The following CCSER1 variants were observed in gnomAD, a reference collection of about 807,000 sequenced individuals.
The protein encoded by CCSER1 is coiled-coil serine rich protein 1.
Under a neutral mutation model 82.0 loss-of-function variants are expected in CCSER1, and 41 were observed. The ratio of observed to expected loss-of-function variants is 0.50; its 90% CI spans 0.39 to 0.65. The LOEUF (loss-of-function observed/expected upper bound fraction) is 0.65, where lower values mean the gene tolerates loss of function less well. CCSER1 is among the 30% of genes least tolerant of loss of function. CCSER1 has a pLI of 0.00. For missense variants in CCSER1, 1,119 were observed against 1,064.2 expected, an observed-to-expected ratio of 1.05 and a Z score of -0.72; for synonymous variants, 414 against 383.9, an observed-to-expected ratio of 1.08 and a Z score of -0.92.
intron 7 of CCSER1, among the ~76,000 whole-genome samples, chr4:90,766,037 G>A (rs1214956563): frequency 6.6e-6 from 1 of 151,458 alleles, no homozygotes; most frequent in Non-Finnish European, 1.5e-5. Flanking sequence ...GGCATTGTAG[G>A]AAAAAAAAGG....
chr4:90,310,128 T>C (rs1159401063), intron 2 of CCSER1, among the ~76,000 whole-genome samples: 1 of 152,084 alleles, frequency 6.6e-6, no homozygotes, highest in African/African-American at 2.4e-5. Context: ...AAATAATTCC[T>C]ATCTCTAGAT....
At chr4:90,527,602 T>G (rs941128234) in intron 5 of CCSER1, among the ~76,000 whole-genome samples, 1 of 152,126 alleles carries the variant, frequency 6.6e-6, no homozygotes, top group East Asian at 1.9e-4. Context: ...CCTGAAGAAA[T>G]CAAGGCTCAT....
At chr4:90,823,379 T>C (rs7674282) in intron 8 of CCSER1, among the ~76,000 whole-genome samples, 2,800 of 152,252 alleles carry the variant, frequency 0.018, 83 homozygotes, top group African/African-American at 0.064. Context: ...ACTCAACGAT[T>C]CCACCACACA....
intron 10 of CCSER1, among the ~76,000 whole-genome samples, chr4:91,224,574 A>G (rs746584311): frequency 4.4e-4 from 67 of 152,074 alleles, no homozygotes; most frequent in Non-Finnish European, 7.6e-4. Context: ...ATTAAATTTA[A>G]TAAGGCAGGT....
chr4:90,910,252 G>A (rs1410972911), intron 8 of CCSER1, among the ~76,000 whole-genome samples: 2 of 152,192 alleles, frequency 1.3e-5, no homozygotes, highest in East Asian at 3.8e-4. Context: ...CTGATACAAA[G>A]AGATTGTAAT....
chr4:90,139,719 G>A (rs1267053808), intron 1 of CCSER1, among the ~76,000 whole-genome samples: 1 of 152,116 alleles, frequency 6.6e-6, no homozygotes, highest in Non-Finnish European at 1.5e-5. Context: ...TTGGAAGGCG[G>A]ATGCGGGCAG....
chr4:91,540,034 T>G, intron 10 of CCSER1, among the ~76,000 whole-genome samples: 1 of 152,140 alleles, frequency 6.6e-6, no homozygotes, highest in East Asian at 1.9e-4. Flanking sequence ...TAATAAGAGC[T>G]TACAAATTTC....
intron 10 of CCSER1, among the ~76,000 whole-genome samples, chr4:91,205,988 G>T (rs1163900375): frequency 6.6e-6 from 1 of 151,756 alleles, no homozygotes; most frequent in South Asian, 2.1e-4. Context: ...AATATGAGAA[G>T]TGCAGAGAGC....
At chr4:90,605,575 G>C (rs1466034649) in intron 5 of CCSER1, among the ~76,000 whole-genome samples, 1 of 152,050 alleles carries the variant, frequency 6.6e-6, no homozygotes, top group Non-Finnish European at 1.5e-5. Context: ...TTTCCTCCTT[G>C]GGAAAATTAT....
In CCSER1 at chr4:91,527,742, T is replaced by C. The variant is rs188479456; in HGVS notation, c.2218-70830T>C. Among the ~76,000 whole-genome samples, 220 of 152,238 alleles carry C rather than the reference T, an allele frequency of 1.4e-3. 1 individual carries two copies. The highest frequency in any genetic ancestry group is 5.1e-3 in the African/African-American group (210 of 41,544). The stretch of plus-strand genomic sequence containing the variant: ...AGGTATATATTTAGTATGAGGTATA[T>C]ATTTAGTATGAGGATTAGCATATAT... On this transcript the variant is annotated intron_variant, in intron 10 of 10. Coordinates refer to ENST00000509176, the MANE Select transcript of CCSER1 (RefSeq NM_001145065.2).
chr4:91,109,072 C>T (rs35946853), intron 10 of CCSER1, among the ~76,000 whole-genome samples: 1,799 of 152,262 alleles, frequency 0.012, 19 homozygotes, highest in South Asian at 0.021. Flanking sequence ...TTCTCTGGCC[C>T]TTGGACTCTG....
chr4:91,152,436 TCTTTAC>T (rs1730320305), intron 10 of CCSER1, among the ~76,000 whole-genome samples: 1 of 152,026 alleles, frequency 6.6e-6, no homozygotes. Flanking sequence ...CCAATCTTTA[TCTTTAC>T]CTTTACCTTT....
At chr4:91,377,976 A>G (rs1425259482) in intron 10 of CCSER1, among the ~76,000 whole-genome samples, 1 of 152,232 alleles carries the variant, frequency 6.6e-6, no homozygotes, top group Non-Finnish European at 1.5e-5. Context: ...ATGGCTAGCC[A>G]GTTTTCCAAG....
intron 9 of CCSER1, among the ~76,000 whole-genome samples, chr4:91,034,683 G>A (rs1390570460): frequency 6.6e-6 from 1 of 152,052 alleles, no homozygotes; most frequent in Admixed American, 6.6e-5. Context: ...TATCACTCTA[G>A]TTTCATCTGT....
intron 9 of CCSER1, among the ~76,000 whole-genome samples, chr4:91,082,412 A>G (rs1307310590): frequency 6.6e-6 from 1 of 152,238 alleles, no homozygotes; most frequent in Non-Finnish European, 1.5e-5. Context: ...AATTAATTCA[A>G]GATGGATTAA....
intron 10 of CCSER1, among the ~76,000 whole-genome samples, chr4:91,525,257 T>C (rs561347685): frequency 5.5e-4 from 84 of 152,236 alleles, no homozygotes; most frequent in African/African-American, 1.7e-3. Context: ...AGGCTTCTCT[T>C]ACAAAAGGAG....
chr4:91,022,647 T>C (rs1740103106), intron 9 of CCSER1, among the ~76,000 whole-genome samples: 1 of 152,174 alleles, frequency 6.6e-6, no homozygotes, highest in African/African-American at 2.4e-5. Context: ...GTGTTCTTAT[T>C]TCTCCACATC....
chr4:90,285,923 G>A (rs1729810095), intron 1 of CCSER1, among the ~76,000 whole-genome samples: 1 of 151,876 alleles, frequency 6.6e-6, no homozygotes, highest in African/African-American at 2.4e-5. Context: ...TTCTGTTGAT[G>A]TGATTTATTG....
chr4:91,530,802 C>G (rs1302857436), intron 10 of CCSER1, among the ~76,000 whole-genome samples: 1 of 151,650 alleles, frequency 6.6e-6, no homozygotes, highest in Non-Finnish European at 1.5e-5. Context: ...ATTCTCCTGT[C>G]TCAGTCTCCT....
Sources: gnomAD v4.1 joint callset for allele counts (sites outside exome capture counted in the v4.1 genomes callset) on GRCh38, gnomAD v4.1.1 for gene constraint, MANE v1.5 for transcripts, NCBI Gene and HGNC (gene_info 2026-07-23, HGNC 2026-07-21) for gene names.